Variants in FRY observed in about 807,000 individuals in gnomAD.
FRY encodes protein furry homolog.
Under a neutral mutation model 348.4 loss-of-function variants are expected in FRY, and 128 were observed. The ratio of observed to expected loss-of-function variants is 0.37; its 90% CI spans 0.32 to 0.43. The LOEUF (loss-of-function observed/expected upper bound fraction) is 0.43, where lower values mean the gene tolerates loss of function less well. FRY is among the 20% of genes least tolerant of loss of function. FRY has a pLI of 1.00. For synonymous variants in FRY, 1,370 were observed against 1,374.7 expected (o/e 1.00, Z 0.08); for missense variants, 2,736 against 3,695.2 (o/e 0.74, Z 6.73).
intron 48 of FRY, among the ~76,000 whole-genome samples, chr13:32,249,100 T>C (rs1018631029): frequency 2.6e-5 from 4 of 152,216 alleles, no homozygotes; most frequent in African/African-American, 9.6e-5. Context: ...TGAAAAGATA[T>C]AAATAAGTTA....
At chr13:32,139,812 T>TA (rs1309357041) in intron 11 of FRY, among the ~76,000 whole-genome samples, 1 of 152,076 alleles carries the variant, frequency 6.6e-6, no homozygotes, top group African/African-American at 2.4e-5. Flanking sequence ...TATTGTGCTA[T>TA]AAAAAAATGC....
At chr13:32,182,390 T>A (rs886327809) in intron 23 of FRY, among the ~76,000 whole-genome samples, 4 of 152,198 alleles carry the variant, frequency 2.6e-5, no homozygotes, top group Non-Finnish European at 5.9e-5. Context: ...CATACAGAAT[T>A]TTTTATTTAT....
chr13:32,218,705 G>A, intron 35 of FRY, 44 bp from the exon 36 acceptor site: 2 of 990,456 alleles, frequency 2.0e-6, no homozygotes, highest in Non-Finnish European at 3.2e-6. Flanking sequence ...AAGCGCATAT[G>A]CACACATGTT....
At position 32,214,114 on chromosome 13, in the gene FRY, G is replaced by A. The variant is rs774505806; in HGVS notation, c.4682+1732G>A. ...CTCTCCCAATGGACACCACTATTCCGTTGATCCCATATAGCACCTACACTA... is the reference window on the plus strand; with the variant it reads ...CTCTCCCAATGGACACCACTATTCCATTGATCCCATATAGCACCTACACTA... On this transcript the variant is annotated intron_variant, in intron 35 of 60. Coordinates refer to ENST00000542859, the MANE Select transcript of FRY (RefSeq NM_023037.3). Among the ~76,000 whole-genome samples the A allele has an allele frequency of 5.1e-4, 78 of 152,096 alleles. 1 individual carries two copies. Among genetic ancestry groups the A allele is most frequent in the Admixed American group, 7.9e-4 (12 of 15,276 alleles).
rs139205384 is a variant in FRY at position 32,292,599 on chromosome 13, T to C, written c.8581-1769T>C. On this transcript the variant is annotated intron_variant, in intron 59 of 60. Coordinates refer to ENST00000542859, the MANE Select transcript of FRY (RefSeq NM_023037.3). Reference sequence around the variant, plus strand: ...ACAAGGTCAGGAGATTGAGATCATCTTGGCCAACATGGTGAAACCCTGCCT... The same window carrying C: ...ACAAGGTCAGGAGATTGAGATCATCCTGGCCAACATGGTGAAACCCTGCCT... Among the ~76,000 whole-genome samples, 888 of 151,802 alleles carry C rather than the reference T, an allele frequency of 5.8e-3. 9 individuals carry two copies. Among genetic ancestry groups the C allele is most frequent in the African/African-American group, 0.02 (849 of 41,452 alleles).
chr13:32,237,756 C>T lies in FRY; in HGVS notation c.6188C>T (p.Ala2063Val), dbSNP rs767093927. ...GATTTTGAGTTTGAATACTTAATGG[C>T]CTTAAGGCTGTTGAGCAGACTACTG... Reference protein sequence around the residue: ...ESDFEFEYLMALRLLSRLLAH... With the variant: ...ESDFEFEYLMVLRLLSRLLAH... Residue 2063 changes from alanine (A) to valine (V), a missense_variant, in exon 44 of 61, where the codon GCC (alanine) becomes GTC (valine). Physicochemically the swap from Ala to Val is moderately conservative, Grantham distance 64 (BLOSUM62 0). Around this residue, in one of 9 missense-constraint regions of FRY, gnomAD observed 789 missense variants for 996.2 expected, o/e 0.79. Transcript: ENST00000542859. The surrounding 1 kb of genome is among the most constrained non-coding windows in gnomAD (Gnocchi z 6.3). 5 of 1,614,106 alleles carry T rather than the reference C, an allele frequency of 3.1e-6. No individual in the cohort carries two copies. The highest frequency in any genetic ancestry group is 2.2e-5 in the East Asian group (1 of 44,882).
intron 31 of FRY, among the ~76,000 whole-genome samples, chr13:32,207,012 T>G (rs1002928668): frequency 4.6e-5 from 7 of 152,158 alleles, no homozygotes; most frequent in African/African-American, 7.2e-5. Context: ...CTTGTTCCCT[T>G]TTAAAAAGGG....
At position 32,210,956 on chromosome 13, in the gene FRY, A is replaced by G. The variant is rs756859955; in HGVS notation, c.4513A>G (p.Asn1505Asp). 1.9e-6 allele frequency: 3 copies of G among 1,613,986 alleles called. No homozygotes were observed. Among genetic ancestry groups the G allele is most frequent in the Non-Finnish European group, 2.5e-6 (3 of 1,179,878 alleles). ...TGAGCTGCAGCAGACAGAGCCCGTGAACCCCATCGTCCAGCATTGTGACAA... is the reference window on the plus strand; with the variant it reads ...TGAGCTGCAGCAGACAGAGCCCGTGGACCCCATCGTCCAGCATTGTGACAA... ...LFELQQTEPVNPIVQHCDNPP... is the reference protein window; with the variant it reads ...LFELQQTEPVDPIVQHCDNPP... The change falls in exon 34 of 61, where the codon AAC (asparagine) becomes GAC (aspartate). Residue 1505 changes from asparagine to aspartate, a missense_variant. Around this residue, in one of 9 missense-constraint regions of FRY, gnomAD observed 794 missense variants for 977.0 expected, o/e 0.81. Coordinates refer to ENST00000542859, the MANE Select transcript of FRY (RefSeq NM_023037.3).
chr13:32,127,056 AT>A (rs1218226754), intron 7 of FRY, among the ~76,000 whole-genome samples: 2 of 151,226 alleles, frequency 1.3e-5, no homozygotes, highest in African/African-American at 4.8e-5. Flanking sequence ...AAGAATTTTG[AT>A]AATAAGTGTT....
At chr13:32,066,493 T>A (rs1874269246) in intron 1 of FRY, among the ~76,000 whole-genome samples, 1 of 152,188 alleles carries the variant, frequency 6.6e-6, no homozygotes, top group African/African-American at 2.4e-5. Flanking sequence ...ACCAATATAT[T>A]GCCACAGGTT....
At chr13:32,076,592 A>G (rs1875077380) in intron 1 of FRY, among the ~76,000 whole-genome samples, 1 of 152,216 alleles carries the variant, frequency 6.6e-6, no homozygotes. Flanking sequence ...TGACTCTTCT[A>G]TCACAACTAC....
In FRY at chr13:32,178,916, C is replaced by T. The variant is rs765156322; in HGVS notation, c.2754C>T (p.Tyr918=). 6.2e-7 allele frequency: 1 copy of T among 1,613,310 alleles called. No individual in the cohort carries two copies. The highest frequency in any genetic ancestry group is 1.1e-5 in the South Asian group (1 of 91,060). Residue 918 remains tyrosine, a synonymous_variant, in exon 22 of 61, where the codon TAC becomes TAT. Coordinates refer to ENST00000542859, the MANE Select transcript of FRY (RefSeq NM_023037.3). ...GDNYVTLWRN[Y]LILCFGVAKP... is the part of the protein sequence containing the mutation. ...ACTATGTTACTTTGTGGAGAAATTA[C>T]CTAATTCTTTGTTTTGGAGTTGCAA...
At chr13:32,241,272 A>T (rs1886485632) in intron 46 of FRY, among the ~76,000 whole-genome samples, 1 of 152,200 alleles carries the variant, frequency 6.6e-6, no homozygotes, top group Admixed American at 6.5e-5. Flanking sequence ...AACCATAAGA[A>T]GTTTCAAAAA....
At position 32,035,385 on chromosome 13, in the gene FRY, C is replaced by G. The variant is rs80176034; in HGVS notation, c.70+3520C>G. 3.9e-3 allele frequency among the ~76,000 whole-genome samples: 587 copies of G among 152,184 alleles called. 4 individuals carry two copies. The highest frequency in any genetic ancestry group is 0.014 in the African/African-American group (565 of 41,510). On this transcript the variant is annotated intron_variant, in intron 1 of 60. Transcript: ENST00000542859. ...CTTACTATTAAAATATCCCACTTAC[C>G]CTAAGTGCATACTTTCTAGCAGCTT...
intron 58 of FRY, 24 bp downstream of exon 58, chr13:32,278,572 G>A: frequency 8.6e-7 from 1 of 1,161,064 alleles, no homozygotes; most frequent in Non-Finnish European, 1.3e-6. Flanking sequence ...GTTAGAATGG[G>A]TCTCTTGTGT....
At chr13:32,184,899 A>T in intron 25 of FRY, 77 bp from the exon 26 acceptor site, 1 of 1,265,188 alleles carries the variant, frequency 7.9e-7, no homozygotes, top group South Asian at 1.2e-5. Context: ...GTGACAGTGA[A>T]TCTTAGTTTT....
intron 1 of FRY, among the ~76,000 whole-genome samples, chr13:32,049,676 G>A (rs577651305): frequency 2.6e-5 from 4 of 152,242 alleles, no homozygotes; most frequent in African/African-American, 9.6e-5. Flanking sequence ...ATGGAGGTAG[G>A]GACAATCACT....
intron 1 of FRY, among the ~76,000 whole-genome samples, chr13:32,057,795 T>TA (rs1215766836): frequency 1.3e-5 from 2 of 151,918 alleles, no homozygotes; most frequent in African/African-American, 4.8e-5. Context: ...CTGTCTCTAC[T>TA]AAAAAATACA....
intron 47 of FRY, among the ~76,000 whole-genome samples, chr13:32,244,765 G>A (rs1886692443): frequency 6.6e-6 from 1 of 152,116 alleles, no homozygotes; most frequent in Admixed American, 6.5e-5. Context: ...TAGTCTCTCG[G>A]TTTCTGTGTA....
Sources: allele counts gnomAD v4.1 joint callset (sites outside exome capture counted in the v4.1 genomes callset), GRCh38; gene constraint gnomAD v4.1.1; regional missense constraint gnomAD v4.1.1; non-coding constraint Gnocchi (gnomAD v3.1); transcripts MANE v1.5; gene names NCBI Gene and HGNC (gene_info 2026-07-23, HGNC 2026-07-21).